Variants in GABRA5 observed in about 807,000 individuals in gnomAD.
GABRA5 encodes the protein gamma-aminobutyric acid type A receptor subunit alpha5.
In GABRA5, 18 loss-of-function variants were observed where a neutral mutation model predicts 47.3. The observed-to-expected ratio is 0.38, with a 90% CI of 0.26 to 0.56. The LOEUF is 0.56. Among genes scored for constraint, GABRA5 ranks in the 20% least tolerant of loss-of-function variants. The pLI is 0.71. For missense variants in GABRA5, 365 were observed against 599.3 expected, an observed-to-expected ratio of 0.61 and a Z score of 4.08; for synonymous variants, 237 against 229.3, an observed-to-expected ratio of 1.03 and a Z score of -0.30.
At chr15:26,895,939 C>T (rs577503281) in intron 6 of GABRA5, among the ~76,000 whole-genome samples, 56 of 152,208 alleles carry the variant, frequency 3.7e-4, no homozygotes, top group Non-Finnish European at 6.5e-4. Flanking sequence ...ACAGAGTCTC[C>T]CCGAGAGCTG....
In GABRA5 at chr15:26,937,240, G is replaced by A. The variant is rs915042396; in HGVS notation, c.636G>A (p.Ser212=). 2.4e-5 allele frequency: 38 copies of A among 1,613,574 alleles called. No individual in the cohort carries two copies. The highest frequency in any genetic ancestry group is 4.4e-5 in the South Asian group (4 of 91,052). ...TCTGGACCAACGGCTCCACCAAGTC[G>A]GTGGTGGTGGCGGAAGATGGCTCCA... ...VYVWTNGSTK[S]VVVAEDGSRL... Residue 212 remains serine, a synonymous_variant, in exon 8 of 11, where the codon TCG becomes TCA. Transcript: ENST00000335625.
intron 10 of GABRA5, among the ~76,000 whole-genome samples, chr15:26,946,551 C>G (rs1026046106): frequency 6.6e-6 from 1 of 151,478 alleles, no homozygotes; most frequent in Non-Finnish European, 1.5e-5. Flanking sequence ...CTGTTTTATT[C>G]CTTTGAAGCA....
intron 7 of GABRA5, among the ~76,000 whole-genome samples, chr15:26,933,042 T>C (rs1211488040): frequency 2.0e-5 from 3 of 150,890 alleles, no homozygotes; most frequent in African/African-American, 7.3e-5. Flanking sequence ...CAAACCACCA[T>C]GGCACATGTT....
chr15:26,884,986 C>G (rs575260029), intron 6 of GABRA5, among the ~76,000 whole-genome samples: 1 of 152,242 alleles, frequency 6.6e-6, no homozygotes, highest in Non-Finnish European at 1.5e-5. Flanking sequence ...GACTGGTGCT[C>G]TTATCTTGTA....
At chr15:26,900,337 T>TA (rs1157495746) in intron 6 of GABRA5, among the ~76,000 whole-genome samples, 1 of 152,148 alleles carries the variant, frequency 6.6e-6, no homozygotes, top group African/African-American at 2.4e-5. Context: ...TCATATGGGA[T>TA]AAAAAATGGG....
At chr15:26,906,197 T>G (rs1459782833) in intron 6 of GABRA5, among the ~76,000 whole-genome samples, 1 of 152,132 alleles carries the variant, frequency 6.6e-6, no homozygotes, top group African/African-American at 2.4e-5. Context: ...GAGCTAATAT[T>G]GTGAAATCTG....
chr15:26,923,968 G>A (rs982831266), intron 7 of GABRA5, among the ~76,000 whole-genome samples: 2 of 151,142 alleles, frequency 1.3e-5, no homozygotes, highest in African/African-American at 4.9e-5. Context: ...TTAAAAGTTT[G>A]TTACCAGCAT....
chr15:26,928,218 G>A (rs1313112779), intron 7 of GABRA5, among the ~76,000 whole-genome samples: 1 of 152,120 alleles, frequency 6.6e-6, no homozygotes, highest in Non-Finnish European at 1.5e-5. Context: ...GAATTTCACC[G>A]GAGTGAGCTA....
chr15:26,906,253 A>C (rs1354976490), intron 6 of GABRA5, among the ~76,000 whole-genome samples: 1 of 152,196 alleles, frequency 6.6e-6, no homozygotes, highest in Non-Finnish European at 1.5e-5. Flanking sequence ...TCATTGGTCA[A>C]CTAATGATTT....
Position 26,890,426 on chromosome 15 carries a change from ATTTT to A in GABRA5, c.497+6884_497+6887del, listed in dbSNP as rs201726196. Among the ~76,000 whole-genome samples the A allele has an allele frequency of 1.0e-3, 129 of 128,574 alleles. 2 individuals carry two copies. The highest frequency in any genetic ancestry group is 3.5e-3 in the African/African-American group (109 of 31,234). 84.3% of individuals were successfully genotyped at this position (128,574 alleles called of 152,430 possible). A position where few individuals can be genotyped will look rare whatever the true frequency, so the allele number is the denominator to read the frequency against. On this transcript the variant is annotated intron_variant, in intron 6 of 10. Transcript: ENST00000335625. The stretch of plus-strand genomic sequence containing the variant: ...CATCTCAAGATTTGTAGTCACTTCA[ATTTT>A]TTTTTTTTTTTTTTGCTTTGGGACG...
intron 3 of GABRA5, among the ~76,000 whole-genome samples, chr15:26,874,457 A>G (rs1443516641): frequency 6.6e-6 from 1 of 152,180 alleles, no homozygotes; most frequent in Non-Finnish European, 1.5e-5. Flanking sequence ...CTGAGAATGC[A>G]GGCTGGGCTA....
At chr15:26,877,992 A>C (rs895716125) in intron 3 of GABRA5, among the ~76,000 whole-genome samples, 2 of 152,156 alleles carry the variant, frequency 1.3e-5, no homozygotes, top group Non-Finnish European at 2.9e-5. Context: ...GGATGAGCAG[A>C]GCTCCTGGGC....
At chr15:26,940,124 C>T in intron 9 of GABRA5, 47 bp downstream of exon 9, 1 of 1,539,086 alleles carries the variant, frequency 6.5e-7, no homozygotes, top group South Asian at 1.2e-5. Flanking sequence ...TTGTGACTGA[C>T]CCTAACCACC....
intron 7 of GABRA5, among the ~76,000 whole-genome samples, chr15:26,927,765 G>T (rs1893996215): frequency 2.0e-5 from 3 of 152,204 alleles, no homozygotes. Context: ...AGTATAATGA[G>T]TTTCAAATTA....
chr15:26,898,835 G>T (rs1893260701), intron 6 of GABRA5, among the ~76,000 whole-genome samples: 1 of 150,386 alleles, frequency 6.6e-6, no homozygotes. Flanking sequence ...CTATAAATTT[G>T]ACTCCAGGCA....
chr15:26,917,089 A>G (rs1893733737), intron 7 of GABRA5, among the ~76,000 whole-genome samples: 1 of 152,006 alleles, frequency 6.6e-6, no homozygotes, highest in African/African-American at 2.4e-5. Flanking sequence ...CGTTCTGGCT[A>G]GGTCCTAAAG....
chr15:26,894,532 C>T (rs1893130854), intron 6 of GABRA5, among the ~76,000 whole-genome samples: 1 of 152,102 alleles, frequency 6.6e-6, no homozygotes, highest in Admixed American at 6.5e-5. Flanking sequence ...TTGTCACCTG[C>T]TTGTAAGAGC....
intron 6 of GABRA5, among the ~76,000 whole-genome samples, chr15:26,893,118 C>T (rs1893054204): frequency 7.9e-6 from 1 of 126,492 alleles, no homozygotes; most frequent in Non-Finnish European, 1.7e-5. Context: ...GTGTCTAGTG[C>T]GTGTGTATGG....
intron 1 of GABRA5, among the ~76,000 whole-genome samples, chr15:26,868,254 G>GC (rs1056653597): frequency 4.3e-4 from 65 of 152,156 alleles, no homozygotes; most frequent in Middle Eastern, 3.4e-3. Context: ...CCCGCGACGA[G>GC]CCCCCCGGAC....
Sources: allele counts gnomAD v4.1 joint callset (sites outside exome capture counted in the v4.1 genomes callset), GRCh38; gene constraint gnomAD v4.1.1; transcripts MANE v1.5; gene names NCBI Gene and HGNC (gene_info 2026-07-23, HGNC 2026-07-21).